The following BRINP1 variants were observed in gnomAD, a reference collection of about 807,000 sequenced individuals.
BRINP1 encodes the protein BMP/retinoic acid inducible neural specific 1.
Under a neutral mutation model 72.9 loss-of-function variants are expected in BRINP1, and 17 were observed. The ratio of observed to expected loss-of-function variants is 0.23; its 90% CI spans 0.16 to 0.35. The LOEUF is 0.35. Ranked by LOEUF, BRINP1 falls within the 10% of genes least tolerant of loss-of-function variation. The pLI, the probability that BRINP1 is intolerant of heterozygous loss-of-function variation, is 1.00. For missense variants in BRINP1, 850 were observed against 1,001.6 expected (o/e 0.85, Z 2.04); for synonymous variants, 418 against 378.5 (o/e 1.10, Z -1.21).
At chr9:119,319,121 T>C (rs1459709377) in intron 1 of BRINP1, among the ~76,000 whole-genome samples, 1 of 152,016 alleles carries the variant, frequency 6.6e-6, no homozygotes, top group African/African-American at 2.4e-5. Flanking sequence ...ATGATGCAAA[T>C]GTTGAGAAAC....
At position 119,355,819 on chromosome 9, in the gene BRINP1, G is replaced by T. The variant is rs966899706; in HGVS notation, c.-51+13237C>A. Among the ~76,000 whole-genome samples the T allele has an allele frequency of 1.7e-4, 26 of 151,714 alleles. 1 individual carries two copies. Among genetic ancestry groups the T allele is most frequent in the African/African-American group, 6.3e-4 (26 of 41,340 alleles). ...TAATATCATTCTTAAGGACCACAGAGGATTCCATTCTATGCTCTGTTTTGT... is the reference window on the plus strand; with the variant it reads ...TAATATCATTCTTAAGGACCACAGATGATTCCATTCTATGCTCTGTTTTGT... On this transcript the variant is annotated intron_variant, in intron 1 of 7. Coordinates refer to ENST00000265922, the MANE Select transcript of BRINP1 (RefSeq NM_014618.3).
chr9:119,330,281 G>T (rs1831286610), intron 1 of BRINP1, among the ~76,000 whole-genome samples: 1 of 152,064 alleles, frequency 6.6e-6, no homozygotes, highest in African/African-American at 2.4e-5. Flanking sequence ...CTTTAACAAG[G>T]CATTTTATTT....
intron 6 of BRINP1, among the ~76,000 whole-genome samples, chr9:119,212,777 C>T (rs966829827): frequency 2.0e-5 from 3 of 152,198 alleles, no homozygotes; most frequent in African/African-American, 7.2e-5. Context: ...CTCAAGGATT[C>T]TCAAGCTTAT....
chr9:119,213,174 A>AC (rs1258169805), intron 6 of BRINP1, among the ~76,000 whole-genome samples: 2 of 151,768 alleles, frequency 1.3e-5, no homozygotes, highest in Non-Finnish European at 2.9e-5. Context: ...GACCACATTG[A>AC]CCCCCAACTC....
intron 3 of BRINP1, among the ~76,000 whole-genome samples, chr9:119,248,581 C>T (rs1281451871): frequency 6.6e-6 from 1 of 152,154 alleles, no homozygotes; most frequent in African/African-American, 2.4e-5. Context: ...ATTTATCAGT[C>T]TCTAAAGTAG....
At chr9:119,216,502 A>C (rs4144592) in intron 5 of BRINP1, among the ~76,000 whole-genome samples, 63,263 of 152,076 alleles carry the variant, frequency 0.42, 16,266 homozygotes, top group East Asian at 0.67. Flanking sequence ...TTCTGAACTG[A>C]GTCTACAATT....
intron 2 of BRINP1, among the ~76,000 whole-genome samples, chr9:119,279,511 C>A (rs1015390801): frequency 3.9e-5 from 6 of 152,218 alleles, no homozygotes; most frequent in Non-Finnish European, 7.3e-5. Flanking sequence ...GTATCCTCAG[C>A]ACTTAAAATA....
intron 1 of BRINP1, among the ~76,000 whole-genome samples, chr9:119,345,788 A>G (rs1831444834): frequency 6.6e-6 from 1 of 152,188 alleles, no homozygotes; most frequent in Non-Finnish European, 1.5e-5. Context: ...TTTGATGATG[A>G]GAGTTAACAA....
At chr9:119,290,193 G>T (rs1275850012) in intron 2 of BRINP1, among the ~76,000 whole-genome samples, 4 of 152,310 alleles carry the variant, frequency 2.6e-5, no homozygotes, top group Admixed American at 2.0e-4. Context: ...AAAAGGTTAA[G>T]AATTGCATGT....
intron 5 of BRINP1, among the ~76,000 whole-genome samples, chr9:119,226,124 A>G (rs1313436873): frequency 6.6e-6 from 1 of 152,038 alleles, no homozygotes; most frequent in Non-Finnish European, 1.5e-5. Flanking sequence ...AATATAATAG[A>G]GGCACATTAA....
At chr9:119,299,801 A>G (rs1483098314) in intron 2 of BRINP1, among the ~76,000 whole-genome samples, 1 of 152,118 alleles carries the variant, frequency 6.6e-6, no homozygotes, top group Non-Finnish European at 1.5e-5. Flanking sequence ...ATGTCCACTG[A>G]TGGACTCAAG....
chr9:119,167,238 G>T lies in BRINP1; in HGVS notation c.2132C>A (p.Ala711Asp). The T allele has an allele frequency of 1.2e-6, 2 of 1,614,162 alleles. No homozygotes were observed. The highest frequency in any genetic ancestry group is 1.7e-6 in the Non-Finnish European group (2 of 1,180,028). ...DRINRLAPPV[A>D]PGKPQLDLFS... ...CAAGTCCAGCTGGGGTTTCCCCGGG[G>T]CCACAGGAGGGGCCAGGCGATTAAT... Residue 711 changes from alanine to aspartate, a missense_variant, in exon 8 of 8, where the codon GCC becomes GAC. Coordinates refer to ENST00000265922, the MANE Select transcript of BRINP1 (RefSeq NM_014618.3). This position sits in a 1 kb window ranked among gnomAD's most constrained non-coding sequence, Gnocchi z 4.3.
chr9:119,325,114 A>G (rs1587961254), intron 1 of BRINP1, among the ~76,000 whole-genome samples: 1 of 152,076 alleles, frequency 6.6e-6, no homozygotes, highest in African/African-American at 2.4e-5. Flanking sequence ...GAAAGAAAGA[A>G]AGAAAGAGAG....
intron 1 of BRINP1, among the ~76,000 whole-genome samples, chr9:119,348,799 G>C (rs1000467706): frequency 6.6e-6 from 1 of 152,082 alleles, no homozygotes; most frequent in East Asian, 1.9e-4. Flanking sequence ...TCGGTATCAC[G>C]CACAGTGAAG....
chr9:119,331,954 G>T (rs1383741985), intron 1 of BRINP1, among the ~76,000 whole-genome samples: 1 of 152,148 alleles, frequency 6.6e-6, no homozygotes, highest in Non-Finnish European at 1.5e-5. Flanking sequence ...TACACTAAAG[G>T]GTAAAAGCCA....
chr9:119,198,796 C>T (rs777594886), intron 7 of BRINP1, among the ~76,000 whole-genome samples: 19 of 151,868 alleles, frequency 1.3e-4, no homozygotes, highest in African/African-American at 3.4e-4. Context: ...CTCAGCCTCC[C>T]GAGTAGCTGG....
chr9:119,187,314 G>C (rs1349210467), intron 7 of BRINP1, among the ~76,000 whole-genome samples: 2 of 151,748 alleles, frequency 1.3e-5, no homozygotes, highest in Non-Finnish European at 2.9e-5. Flanking sequence ...ATTCAGCTAA[G>C]TCTTCACACT....
rs540946131 is a variant in BRINP1, at chr9:119,175,226, A to G, written c.1146-7002T>C. 7.9e-5 allele frequency among the ~76,000 whole-genome samples: 12 copies of G among 152,232 alleles called. No homozygotes were observed. In the South Asian group the frequency reaches 2.5e-3, roughly 32 times the overall value. ...GTTCATGTCCTTTGCACGGACATGG[A>G]TTAAGCTGGAAACCATCACACTCAG... On this transcript the variant is annotated intron_variant, in intron 7 of 7. Coordinates refer to ENST00000265922, the MANE Select transcript of BRINP1 (RefSeq NM_014618.3).
At chr9:119,191,504 G>T (rs759413250) in intron 7 of BRINP1, among the ~76,000 whole-genome samples, 4 of 151,572 alleles carry the variant, frequency 2.6e-5, no homozygotes, top group Non-Finnish European at 5.9e-5. Flanking sequence ...AGTTGAAAAA[G>T]AAATTTTAAA....
Sources: gnomAD v4.1 joint callset for allele counts (sites outside exome capture counted in the v4.1 genomes callset) on GRCh38, gnomAD v4.1.1 for gene constraint, Gnocchi (gnomAD v3.1) non-coding constraint, MANE v1.5 for transcripts, NCBI Gene and HGNC (gene_info 2026-07-23, HGNC 2026-07-21) for gene names.